The following HTR4 variants were observed in gnomAD, a reference collection of about 807,000 sequenced individuals.
The protein encoded by HTR4 is 5-hydroxytryptamine receptor 4, also known as 5-hydroxytryptamine (serotonin) receptor 4, G protein-coupled.
In HTR4, 16 loss-of-function variants were observed where a neutral mutation model predicts 36.8. That is an observed-to-expected ratio of 0.43 (90% CI 0.29 to 0.66). The LOEUF is 0.66. HTR4 is among the 30% of genes least tolerant of loss of function. The pLI, the probability that HTR4 is intolerant of heterozygous loss-of-function variation, is 0.13. For missense variants in HTR4, 438 were observed against 490.9 expected (o/e 0.89, Z 1.02); for synonymous variants, 189 against 185.1 (o/e 1.02, Z -0.17).
At chr5:148,476,875 G>A, downstream of HTR4, 1 of 1,416,260 alleles carries the variant, frequency 7.1e-7, no homozygotes. Flanking sequence ...AGTCCTGGAG[G>A]CTGGAAAAGA....
chr5:148,533,899 A>G (rs1450983755), intron 4 of HTR4, among the ~76,000 whole-genome samples: 1 of 152,220 alleles, frequency 6.6e-6, no homozygotes, highest in Non-Finnish European at 1.5e-5. Context: ...ACAGACTCAA[A>G]TATATTTTGG....
At chr5:148,510,110 G>A (rs1757426993) in intron 5 of HTR4, 86 bp from the exon 6 acceptor site, 1 of 824,678 alleles carries the variant, frequency 1.2e-6, no homozygotes, top group Admixed American at 2.9e-5. Flanking sequence ...ATGGGGAAGA[G>A]TGTGAGAAAA....
At chr5:148,595,637 A>T (rs1246311738) in intron 2 of HTR4, among the ~76,000 whole-genome samples, 1 of 152,166 alleles carries the variant, frequency 6.6e-6, no homozygotes, top group Admixed American at 6.6e-5. Context: ...TATATTAATT[A>T]TTGGCCTGAC....
At chr5:148,459,609 C>A (rs1755213473) in intron 5 of HTR4, among the ~76,000 whole-genome samples, 1 of 152,196 alleles carries the variant, frequency 6.6e-6, no homozygotes. Context: ...CACAGGACTA[C>A]AAACCATTCC....
At chr5:148,587,248 C>G (rs541480996) in intron 2 of HTR4, among the ~76,000 whole-genome samples, 1 of 152,276 alleles carries the variant, frequency 6.6e-6, no homozygotes, top group Non-Finnish European at 1.5e-5. Context: ...TATTTATAGT[C>G]GCATAGGGTA....
At chr5:148,569,764 TG>T (rs1338743454) in intron 2 of HTR4, among the ~76,000 whole-genome samples, 2 of 151,946 alleles carry the variant, frequency 1.3e-5, no homozygotes, top group Admixed American at 6.6e-5. Context: ...GAAATGCATA[TG>T]TATGCATACA....
chr5:148,614,355 C>T (rs1752571505), intron 2 of HTR4, among the ~76,000 whole-genome samples: 1 of 151,972 alleles, frequency 6.6e-6, no homozygotes, highest in Non-Finnish European at 1.5e-5. Flanking sequence ...TGGAACAGAA[C>T]AGAGCCCTCA....
chr5:148,519,531 T>C (rs1757915439), intron 5 of HTR4, among the ~76,000 whole-genome samples: 1 of 152,196 alleles, frequency 6.6e-6, no homozygotes, highest in South Asian at 2.1e-4. Context: ...TGTGGGTATA[T>C]AGCTGGTCAT....
At chr5:148,513,574 T>C (rs181243103) in intron 5 of HTR4, among the ~76,000 whole-genome samples, 2 of 152,308 alleles carry the variant, frequency 1.3e-5, no homozygotes, top group East Asian at 1.9e-4. Context: ...AGTCTTTGAA[T>C]TGTGGTTTCT....
chr5:148,570,408 A>G (rs10036157), intron 2 of HTR4, among the ~76,000 whole-genome samples: 41,164 of 152,018 alleles, frequency 0.27, 7,174 homozygotes, highest in African/African-American at 0.49. Flanking sequence ...GATATTATAA[A>G]GGGAGGTACA....
intron 2 of HTR4, among the ~76,000 whole-genome samples, chr5:148,602,672 C>T (rs565753446): frequency 2.0e-5 from 3 of 151,680 alleles, no homozygotes; most frequent in Non-Finnish European, 4.4e-5. Flanking sequence ...AAATTAAAAC[C>T]AACAACACAG....
downstream of HTR4, chr5:148,476,729 C>G (rs925479774): frequency 1.2e-6 from 2 of 1,613,506 alleles, no homozygotes; most frequent in African/African-American, 1.3e-5. Context: ...GGCCACAGTC[C>G]TCAAGGAGCT....
At chr5:148,484,866 G>C (rs1311116203) in intron 6 of HTR4, among the ~76,000 whole-genome samples, 1 of 152,168 alleles carries the variant, frequency 6.6e-6, no homozygotes, top group African/African-American at 2.4e-5. Context: ...AAACTCTCTA[G>C]ATAACTCAAG....
intron 1 of HTR4, among the ~76,000 whole-genome samples, chr5:148,651,570 C>T (rs1754036100): frequency 6.6e-6 from 1 of 151,948 alleles, no homozygotes; most frequent in African/African-American, 2.4e-5. Context: ...TAATGAGTGC[C>T]AGAGATGCTG....
intron 5 of HTR4, among the ~76,000 whole-genome samples, chr5:148,510,470 C>G (rs1320361496): frequency 6.6e-6 from 1 of 152,190 alleles, no homozygotes; most frequent in African/African-American, 2.4e-5. Flanking sequence ...ACAGATCAGT[C>G]TCTTAACAGA....
intron 2 of HTR4, chr5:148,629,929 CA>C (rs1341150842): frequency 1.3e-5 from 2 of 152,090 alleles, no homozygotes; most frequent in Non-Finnish European, 2.9e-5. Flanking sequence ...TTATGTTTTC[CA>C]AATGAGAGAT....
chr5:148,481,937 G>T lies in HTR4; in HGVS notation c.*1266C>A. On this transcript the variant is annotated 3_prime_UTR_variant, in exon 7 of 7. Transcript: ENST00000377888. Reference sequence around the variant, plus strand: ...TGAAACAAAGCCAAAAGGCAGGCAGGCCATGGCTTCTCGAGGTAGCAGACG... The same window carrying T: ...TGAAACAAAGCCAAAAGGCAGGCAGTCCATGGCTTCTCGAGGTAGCAGACG... 9.1e-7 allele frequency: 1 copy of T among 1,101,084 alleles called. No individual in the cohort carries two copies. The highest frequency in any genetic ancestry group is 1.1e-6 in the Non-Finnish European group (1 of 905,864). 68.2% of individuals were successfully genotyped at this position (1,101,084 alleles called of 1,614,324 possible).
At chr5:148,577,739 T>A (rs935709388) in intron 2 of HTR4, among the ~76,000 whole-genome samples, 1 of 152,096 alleles carries the variant, frequency 6.6e-6, no homozygotes, top group African/African-American at 2.4e-5. Flanking sequence ...ATACTGCCTG[T>A]TCTTACTTAC....
At chr5:148,487,565 G>A (rs764814303) in intron 6 of HTR4, among the ~76,000 whole-genome samples, 4 of 152,166 alleles carry the variant, frequency 2.6e-5, no homozygotes, top group African/African-American at 4.8e-5. Context: ...GGGTAGGAGG[G>A]CAGGAGTGAG....
Sources: gnomAD v4.1 joint callset for allele counts (sites outside exome capture counted in the v4.1 genomes callset) on GRCh38, gnomAD v4.1.1 for gene constraint, MANE v1.5 for transcripts, NCBI Gene and HGNC (gene_info 2026-07-23, HGNC 2026-07-21) for gene names.